CPPED1: variants seen among roughly 807,000 people sequenced by gnomAD.
The protein encoded by CPPED1 is serine/threonine-protein phosphatase CPPED1.
Under a neutral mutation model 28.0 loss-of-function variants are expected in CPPED1, and 28 were observed. That is an observed-to-expected ratio of 1.00 (90% confidence interval 0.74 to 1.37). The LOEUF is 1.37. Ranked by LOEUF, CPPED1 falls within the 40% of genes most tolerant of loss-of-function variation. The probability of loss-of-function intolerance (pLI) is 0.00; values close to 1 mark genes in which losing one functional copy is unlikely to be tolerated. For synonymous variants in CPPED1, 198 were observed against 180.2 expected (o/e 1.10, Z -0.79); for missense variants, 504 against 416.5 (o/e 1.21, Z -1.83).
intron 2 of CPPED1, among the ~76,000 whole-genome samples, chr16:12,779,876 G>C (rs1435562679): frequency 6.6e-6 from 1 of 152,088 alleles, no homozygotes; most frequent in Non-Finnish European, 1.5e-5. Context: ...CCACTGCTGT[G>C]TTTTCTGCAA....
chr16:12,777,828 A>G lies in CPPED1; in HGVS notation c.289+3357T>C, dbSNP rs188680711. Among the ~76,000 whole-genome samples, 199 of 152,152 alleles carry G rather than the reference A, an allele frequency of 1.3e-3. 3 individuals are homozygous for G. Among genetic ancestry groups the G allele is most frequent in the Non-Finnish European group, 2.5e-4 (17 of 68,012 alleles). On this transcript the variant is annotated intron_variant, in intron 2 of 3. Coordinates refer to ENST00000381774, the MANE Select transcript of CPPED1 (RefSeq NM_018340.3). The stretch of plus-strand genomic sequence containing the variant: ...GACATTTTTGTGGATGATAAGTACT[A>G]TAATAGATATTTATAAGAAAAAGCA...
intron 2 of CPPED1, among the ~76,000 whole-genome samples, chr16:12,725,284 G>C (rs146149842): frequency 6.5e-4 from 99 of 152,172 alleles, no homozygotes; most frequent in African/African-American, 2.2e-3. Context: ...AGTAGAGATG[G>C]GGGTTTTGCC....
chr16:12,704,783 C>T lies in CPPED1; in HGVS notation c.556G>A (p.Asp186Asn), dbSNP rs1265960015. 1.2e-6 allele frequency: 2 copies of T among 1,614,222 alleles called. No individual in the cohort carries two copies. The highest frequency in any genetic ancestry group is 1.7e-6 in the Non-Finnish European group (2 of 1,180,044). The change falls in exon 3 of 4, where the codon GAC (aspartate) becomes AAC (asparagine). Residue 186 changes from aspartate to asparagine, a missense_variant. Transcript: ENST00000381774. ...SLKQAQDQWL[D>N]EQLSIARQRH... ...TGCCTCGCGATGCTCAGCTGCTCGT[C>T]CAGCCACTGGTCCTGAGCCTGCTTC...
rs748886359 is a variant in CPPED1, at chr16:12,704,963, C to A, written c.376G>T (p.Gly126Cys). The change falls in exon 3 of 4, where the codon GGC (glycine) becomes TGC (cysteine). Residue 126 changes from glycine to cysteine, a missense_variant. By Grantham distance (159) the Gly-to-Cys change is radical (BLOSUM62 -3). Coordinates refer to ENST00000381774, the MANE Select transcript of CPPED1 (RefSeq NM_018340.3). ...GGGGTGTTGCCAATGTCATGGTTGCCGCTGACAAGGACCAGTGGGATGGCC... is the reference window on the plus strand; with the variant it reads ...GGGGTGTTGCCAATGTCATGGTTGCAGCTGACAAGGACCAGTGGGATGGCC... Reference protein sequence around the residue: ...DRAIPLVLVSGNHDIGNTPTA... With the variant: ...DRAIPLVLVSCNHDIGNTPTA... The A allele has an allele frequency of 6.2e-7, 1 of 1,614,216 alleles. No individual in the cohort carries two copies. The highest frequency in any genetic ancestry group is 8.5e-7 in the Non-Finnish European group (1 of 1,180,044).
chr16:12,786,073 A>T (rs1285482813), intron 1 of CPPED1, among the ~76,000 whole-genome samples: 1 of 152,198 alleles, frequency 6.6e-6, no homozygotes, highest in Non-Finnish European at 1.5e-5. Flanking sequence ...CCTGGCAATG[A>T]GCCTGATGAA....
At chr16:12,694,518 T>C (rs2079979186) in intron 3 of CPPED1, among the ~76,000 whole-genome samples, 1 of 152,164 alleles carries the variant, frequency 6.6e-6, no homozygotes, top group South Asian at 2.1e-4. Flanking sequence ...CTTTGGCAGT[T>C]AGTCTTTTAT....
Position 12,781,396 on chromosome 16 carries a change from T to C in CPPED1, c.78A>G (p.Glu26=), listed in dbSNP as rs774979795. The change falls in exon 2 of 4, where the codon GAA becomes GAG. Residue 26 remains glutamate, a synonymous_variant. Coordinates refer to ENST00000381774, the MANE Select transcript of CPPED1 (RefSeq NM_018340.3). ...AGTAGAATGGGCCTTTCCATTCGCT[T>C]TCCTTTTCTTAAAAAAAGAGAGAGG... The part of the protein sequence containing the change: ...RTLAAFPAEK[E]SEWKGPFYFI... 51 of 1,612,700 alleles carry C rather than the reference T, an allele frequency of 3.2e-5. No individual in the cohort carries two copies. Among genetic ancestry groups the C allele is most frequent in the Non-Finnish European group, 4.2e-5 (49 of 1,179,550 alleles).
chr16:12,762,151 C>G (rs1167257180), intron 2 of CPPED1, among the ~76,000 whole-genome samples: 1 of 152,094 alleles, frequency 6.6e-6, no homozygotes, highest in African/African-American at 2.4e-5. Context: ...TGGGGTCTGC[C>G]CAAGGGCAGG....
intron 1 of CPPED1, among the ~76,000 whole-genome samples, chr16:12,784,827 T>A (rs1439417674): frequency 1.3e-5 from 2 of 152,252 alleles, no homozygotes; most frequent in African/African-American, 4.8e-5. Flanking sequence ...TCGTTTCCTA[T>A]GACGAATAGT....
chr16:12,775,729 A>G (rs1196416129), intron 2 of CPPED1, among the ~76,000 whole-genome samples: 1 of 152,186 alleles, frequency 6.6e-6, no homozygotes, highest in South Asian at 2.1e-4. Context: ...TGCAAAACGA[A>G]GCGCACAAGG....
chr16:12,688,125 G>A lies in CPPED1; in HGVS notation c.715+16499C>T, dbSNP rs147711735. 1.8e-3 allele frequency among the ~76,000 whole-genome samples: 267 copies of A among 151,528 alleles called. 1 individual carries two copies. Among genetic ancestry groups the A allele is most frequent in the African/African-American group, 6.0e-3 (249 of 41,332 alleles). On this transcript the variant is annotated intron_variant, in intron 3 of 3. Transcript: ENST00000381774. ...GTTTACTGCAGCCTCGACCACCCCA[G>A]GCTCAGGTGGTTCTCCTGCCTCAGC...
At chr16:12,746,747 A>C (rs2080291173) in intron 2 of CPPED1, among the ~76,000 whole-genome samples, 1 of 152,226 alleles carries the variant, frequency 6.6e-6, no homozygotes, top group African/African-American at 2.4e-5. Flanking sequence ...CCATAGCACA[A>C]AGCACAGGAA....
At position 12,712,645 on chromosome 16, in the gene CPPED1, G is replaced by T. The variant is rs2080086178; in HGVS notation, c.290-7596C>A. The stretch of plus-strand genomic sequence containing the variant: ...TTAGTGGCCACGGATATATAGAAAA[G>T]GTGCACTGTTAAGGTTTGGGGAGCA... On this transcript the variant is annotated intron_variant, in intron 2 of 3. Coordinates refer to ENST00000381774, the MANE Select transcript of CPPED1 (RefSeq NM_018340.3). Among the ~76,000 whole-genome samples, 3 of 152,170 alleles carry T rather than the reference G, an allele frequency of 2.0e-5. No homozygotes were observed. The South Asian group carries it at 6.2e-4, about 32-fold the overall frequency.
At position 12,784,554 on chromosome 16, in the gene CPPED1, T is replaced by TG. The variant is rs550020948; in HGVS notation, c.71-3152dup. Among the ~76,000 whole-genome samples, 9 of 79,236 alleles carry TG rather than the reference T, an allele frequency of 1.1e-4. No individual in the cohort carries two copies. In the South Asian group the frequency reaches 7.3e-3, roughly 64 times the overall value. The allele number at this position is 79,236 out of a possible 152,430, so 52.0% of individuals were successfully genotyped here. On this transcript the variant is annotated intron_variant, in intron 1 of 3. Transcript: ENST00000381774. Reference sequence around the variant, plus strand: ...TCCTGAAGATCTGACCATTTTGTCATGAAAAAAAAAAAAAACTGAGACTCT... The same window carrying TG: ...TCCTGAAGATCTGACCATTTTGTCATGGAAAAAAAAAAAAAACTGAGACTCT...
intron 2 of CPPED1, among the ~76,000 whole-genome samples, chr16:12,725,455 T>C (rs2080164860): frequency 6.6e-6 from 1 of 152,290 alleles, no homozygotes; most frequent in Non-Finnish European, 1.5e-5. Flanking sequence ...ACTTACAAGA[T>C]AGGCTTTTAT....
chr16:12,788,012 A>T (rs558382340), intron 1 of CPPED1, among the ~76,000 whole-genome samples: 1 of 152,168 alleles, frequency 6.6e-6, no homozygotes, highest in Non-Finnish European at 1.5e-5. Context: ...TGTAGGACTG[A>T]TGGCTTCAGT....
intron 2 of CPPED1, among the ~76,000 whole-genome samples, chr16:12,773,424 A>C (rs2080480745): frequency 6.6e-6 from 1 of 152,212 alleles, no homozygotes; most frequent in African/African-American, 2.4e-5. Context: ...CATTTAATAC[A>C]TTAAAAAGTG....
intron 3 of CPPED1, among the ~76,000 whole-genome samples, chr16:12,697,582 G>A (rs1220928263): frequency 6.6e-6 from 1 of 152,156 alleles, no homozygotes; most frequent in Non-Finnish European, 1.5e-5. Context: ...ACCCTGTAAT[G>A]GGAACATTTC....
intron 2 of CPPED1, among the ~76,000 whole-genome samples, chr16:12,771,448 G>C (rs955677378): frequency 1.3e-5 from 2 of 152,216 alleles, no homozygotes; most frequent in Admixed American, 1.3e-4. Flanking sequence ...GGCACTAAAT[G>C]AAAGTACACA....
Sources: allele counts gnomAD v4.1 joint callset (sites outside exome capture counted in the v4.1 genomes callset), GRCh38; gene constraint gnomAD v4.1.1; transcripts MANE v1.5; gene names NCBI Gene and HGNC (gene_info 2026-07-23, HGNC 2026-07-21).